ITGBL1: variants seen among roughly 807,000 people sequenced by gnomAD.
ITGBL1 encodes integrin beta-like protein 1.
ITGBL1 carries 51 observed loss-of-function variants against 68.5 expected under a neutral mutation model. The observed-to-expected ratio is 0.74, with a 90% CI of 0.59 to 0.94. ITGBL1 has a LOEUF of 0.94. ITGBL1 is among the 40% of genes least tolerant of loss of function. The pLI, the probability that ITGBL1 is intolerant of heterozygous loss-of-function variation, is 0.00. For synonymous variants in ITGBL1, 209 were observed against 227.3 expected (o/e 0.92, Z 0.72); for missense variants, 649 against 647.4 (o/e 1.00, Z -0.03).
At chr13:101,463,582 C>G (rs1329259102) in intron 2 of ITGBL1, among the ~76,000 whole-genome samples, 2 of 152,040 alleles carry the variant, frequency 1.3e-5, no homozygotes, top group African/African-American at 4.8e-5. Flanking sequence ...CTGCTGGAAA[C>G]CTTTAGACGT....
At chr13:101,716,767 C>A (rs1203233155), downstream of ITGBL1, 2 of 132,188 alleles carry the variant, frequency 1.5e-5, no homozygotes, top group South Asian at 2.4e-4. Flanking sequence ...AAAATGGCAC[C>A]AATCTCAGAA....
At chr13:101,601,260 T>C (rs1483620834) in intron 7 of ITGBL1, among the ~76,000 whole-genome samples, 2 of 152,206 alleles carry the variant, frequency 1.3e-5, no homozygotes, top group African/African-American at 2.4e-5. Context: ...TAGTTTGTAT[T>C]TCTGTGGGAT....
At chr13:101,643,441 C>T (rs1050782096) in intron 7 of ITGBL1, among the ~76,000 whole-genome samples, 4 of 151,818 alleles carry the variant, frequency 2.6e-5, no homozygotes, top group Non-Finnish European at 5.9e-5. Flanking sequence ...CTGAAGTTGC[C>T]TATCAGCTTA....
chr13:101,655,729 TGTA>T (rs2032900424), intron 7 of ITGBL1, among the ~76,000 whole-genome samples: 1 of 152,226 alleles, frequency 6.6e-6, no homozygotes, highest in Non-Finnish European at 1.5e-5. Context: ...TGTGCTGTGT[TGTA>T]GTACCTGAGC....
chr13:101,572,135 T>C (rs2050283516), intron 3 of ITGBL1, among the ~76,000 whole-genome samples: 1 of 152,204 alleles, frequency 6.6e-6, no homozygotes, highest in South Asian at 2.1e-4. Flanking sequence ...GGCAGTCTCA[T>C]TCTCACCTGT....
At chr13:101,481,770 T>C (rs1338857788) in intron 2 of ITGBL1, among the ~76,000 whole-genome samples, 2 of 152,212 alleles carry the variant, frequency 1.3e-5, no homozygotes, top group Non-Finnish European at 1.5e-5. Context: ...TTTTGAGTTG[T>C]ATATATTTTT....
chr13:101,515,655 A>G (rs1005831850), intron 2 of ITGBL1, among the ~76,000 whole-genome samples: 26 of 152,004 alleles, frequency 1.7e-4, no homozygotes, highest in African/African-American at 6.3e-4. Flanking sequence ...TTATGTATGC[A>G]GACATATTTC....
intron 2 of ITGBL1, among the ~76,000 whole-genome samples, chr13:101,511,497 A>G (rs2049115029): frequency 6.6e-6 from 1 of 152,146 alleles, no homozygotes; most frequent in Non-Finnish European, 1.5e-5. Context: ...TTGCAGAAGC[A>G]TTAAGTCCCT....
At position 101,466,253 on chromosome 13, in the gene ITGBL1, T is replaced by TTTTACC. The variant is rs1179758906; in HGVS notation, c.316+12153_316+12154insTTTACC. Among the ~76,000 whole-genome samples the TTTTACC allele has an allele frequency of 3.9e-5, 6 of 152,342 alleles. No individual in the cohort carries two copies. In the East Asian group the frequency reaches 9.6e-4, roughly 24 times the overall value. Reference sequence around the variant, plus strand: ...TAAAGTTCTTATCACACCTCATGCTTCATTCAGGCTGTCTTCCCTTCTGTC... The same window carrying TTTTACC: ...TAAAGTTCTTATCACACCTCATGCTTTTTACCCATTCAGGCTGTCTTCCCTTCTGTC... On this transcript the variant is annotated intron_variant, in intron 2 of 10. Coordinates refer to ENST00000376180, the MANE Select transcript of ITGBL1 (RefSeq NM_004791.3).
intron 2 of ITGBL1, among the ~76,000 whole-genome samples, chr13:101,547,197 AT>A (rs1169681588): frequency 8.6e-5 from 13 of 151,260 alleles, no homozygotes; most frequent in African/African-American, 3.2e-4. Flanking sequence ...TTTATTGCTA[AT>A]TTTTTCTTGT....
At chr13:101,469,171 G>A (rs1225140736) in intron 2 of ITGBL1, among the ~76,000 whole-genome samples, 3 of 152,082 alleles carry the variant, frequency 2.0e-5, no homozygotes, top group Admixed American at 6.6e-5. Flanking sequence ...GCCTTTTTGA[G>A]ATCAAAGCTA....
intron 7 of ITGBL1, among the ~76,000 whole-genome samples, chr13:101,651,750 C>G (rs2032758249): frequency 6.9e-6 from 1 of 145,544 alleles, no homozygotes; most frequent in African/African-American, 2.5e-5. Flanking sequence ...TTGCCCGGGT[C>G]TATGTCCTAA....
intron 7 of ITGBL1, among the ~76,000 whole-genome samples, chr13:101,676,180 T>C (rs2033497840): frequency 6.6e-6 from 1 of 152,188 alleles, no homozygotes; most frequent in Non-Finnish European, 1.5e-5. Flanking sequence ...CTGTCCTGTC[T>C]CTTGACATAC....
At chr13:101,690,483 G>A (rs1350633204) in intron 7 of ITGBL1, among the ~76,000 whole-genome samples, 1 of 152,136 alleles carries the variant, frequency 6.6e-6, no homozygotes, top group Non-Finnish European at 1.5e-5. Flanking sequence ...CAGGAATAAT[G>A]CAACTGATGA....
chr13:101,462,864 T>G (rs2048336039), intron 2 of ITGBL1, among the ~76,000 whole-genome samples: 1 of 152,200 alleles, frequency 6.6e-6, no homozygotes, highest in African/African-American at 2.4e-5. Flanking sequence ...ATTACAAGCG[T>G]GAGCCATGGC....
chr13:101,698,071 G>T (rs1034728242), intron 8 of ITGBL1, among the ~76,000 whole-genome samples: 7 of 152,072 alleles, frequency 4.6e-5, no homozygotes, highest in African/African-American at 7.2e-5. Context: ...CCTCTGTTAT[G>T]GCTTCAGAGA....
chr13:101,625,743 G>A (rs2031749842), intron 7 of ITGBL1, among the ~76,000 whole-genome samples: 1 of 151,924 alleles, frequency 6.6e-6, no homozygotes, highest in Admixed American at 6.6e-5. Flanking sequence ...TAGTAGAGAC[G>A]GGGTTTCATC....
intron 8 of ITGBL1, among the ~76,000 whole-genome samples, chr13:101,694,465 C>G (rs1395553649): frequency 6.6e-6 from 1 of 151,732 alleles, no homozygotes; most frequent in African/African-American, 2.4e-5. Context: ...ACTCTGTCAC[C>G]CAGGCTGGAG....
chr13:101,477,123 A>G (rs1758180760), intron 2 of ITGBL1, among the ~76,000 whole-genome samples: 1 of 152,162 alleles, frequency 6.6e-6, no homozygotes, highest in South Asian at 2.1e-4. Flanking sequence ...ATTCAAAAAT[A>G]TTGAAATTAT....
Sources: gnomAD v4.1 joint callset for allele counts (sites outside exome capture counted in the v4.1 genomes callset) on GRCh38, gnomAD v4.1.1 for gene constraint, MANE v1.5 for transcripts, NCBI Gene and HGNC (gene_info 2026-07-23, HGNC 2026-07-21) for gene names.